Variants in RORA observed in about 807,000 individuals in gnomAD.
RORA encodes the protein RAR related orphan receptor A.
In RORA, 7 loss-of-function variants were observed where a neutral mutation model predicts 69.5. The observed-to-expected ratio is 0.10, with a 90% confidence interval of 0.06 to 0.19. The LOEUF (loss-of-function observed/expected upper bound fraction) is 0.19. Ranked by LOEUF, RORA falls within the 10% of genes least tolerant of loss-of-function variation. The pLI, the probability that RORA is intolerant of heterozygous loss-of-function variation, is 1.00. For missense variants in RORA, 457 were observed against 663.0 expected, an observed-to-expected ratio of 0.69 and a Z score of 3.41; for synonymous variants, 261 against 240.8, an observed-to-expected ratio of 1.08 and a Z score of -0.78.
intron 1 of RORA, among the ~76,000 whole-genome samples, chr15:61,054,924 C>T (rs2078072852): frequency 6.6e-6 from 1 of 151,574 alleles, no homozygotes; most frequent in African/African-American, 2.4e-5. Context: ...GTAGCTTCCA[C>T]CTCCTGAGCT....
chr15:60,623,329 C>T (rs1230621587), intron 2 of RORA, among the ~76,000 whole-genome samples: 2 of 152,176 alleles, frequency 1.3e-5, no homozygotes, highest in Non-Finnish European at 2.9e-5. Flanking sequence ...AGGGGGCAGT[C>T]AGCTTAGCAA....
chr15:60,621,351 G>C (rs901121410), intron 2 of RORA, among the ~76,000 whole-genome samples: 2 of 152,134 alleles, frequency 1.3e-5, no homozygotes. Flanking sequence ...TGGAAACCCA[G>C]AGAAGCTCAT....
At chr15:60,637,497 G>C (rs919511607) in intron 2 of RORA, among the ~76,000 whole-genome samples, 6 of 151,992 alleles carry the variant, frequency 3.9e-5, no homozygotes, top group African/African-American at 1.4e-4. Flanking sequence ...CTGTAAAGTA[G>C]AGAAAATCTG....
intron 2 of RORA, among the ~76,000 whole-genome samples, chr15:60,664,850 G>A (rs1434340500): frequency 2.6e-5 from 4 of 152,186 alleles, no homozygotes; most frequent in Admixed American, 6.5e-5. Context: ...AATTGATACT[G>A]CAGGGGATAA....
chr15:61,023,187 C>CAAAAA (rs35185635), intron 1 of RORA, among the ~76,000 whole-genome samples: 32 of 75,652 alleles, frequency 4.2e-4, no homozygotes, highest in South Asian at 1.3e-3. Context: ...GACTCTGCCT[C>CAAAAA]AAAAAAAAAA....
chr15:61,036,322 G>A (rs962120249), intron 1 of RORA, among the ~76,000 whole-genome samples: 19 of 152,122 alleles, frequency 1.2e-4, no homozygotes, highest in African/African-American at 3.9e-4. Flanking sequence ...GGAAGTAGAG[G>A]TTTGCCTTGT....
intron 2 of RORA, among the ~76,000 whole-genome samples, chr15:60,639,051 C>T (rs1314166291): frequency 6.6e-6 from 1 of 152,068 alleles, no homozygotes; most frequent in East Asian, 1.9e-4. Flanking sequence ...ACCGTGCCTC[C>T]TTCTCTAATT....
chr15:60,669,957 C>T (rs1309327391), intron 2 of RORA, among the ~76,000 whole-genome samples: 1 of 152,132 alleles, frequency 6.6e-6, no homozygotes, highest in East Asian at 1.9e-4. Flanking sequence ...ATGTTAGGCA[C>T]AGAGCAGGGG....
At chr15:61,079,049 A>G (rs1595958347) in intron 1 of RORA, among the ~76,000 whole-genome samples, 2 of 151,752 alleles carry the variant, frequency 1.3e-5, no homozygotes, top group Non-Finnish European at 1.5e-5. Context: ...CATGCCTCCC[A>G]CTCTGCCTTC....
chr15:61,085,404 C>A (rs1566981107), intron 1 of RORA, among the ~76,000 whole-genome samples: 1 of 152,216 alleles, frequency 6.6e-6, no homozygotes, highest in East Asian at 1.9e-4. Context: ...CAAAAATGGG[C>A]TGGACAGATC....
intron 2 of RORA, among the ~76,000 whole-genome samples, chr15:60,626,801 G>A (rs902412090): frequency 6.6e-5 from 10 of 152,174 alleles, no homozygotes; most frequent in African/African-American, 2.2e-4. Context: ...TTGCCTCTCA[G>A]TTCTGATAGT....
At chr15:60,763,184 C>A (rs977143959) in intron 1 of RORA, among the ~76,000 whole-genome samples, 2 of 145,464 alleles carry the variant, frequency 1.4e-5, no homozygotes, top group Non-Finnish European at 3.0e-5. Flanking sequence ...ACGTTCTCAG[C>A]GATGCTGCAA....
chr15:61,134,725 C>T (rs2079220655), intron 1 of RORA, among the ~76,000 whole-genome samples: 2 of 152,038 alleles, frequency 1.3e-5, no homozygotes, highest in African/African-American at 4.8e-5. Context: ...TTCTGGTTGT[C>T]CTTGGCGCAG....
At chr15:60,517,866 T>C (rs1454095488) in intron 3 of RORA, among the ~76,000 whole-genome samples, 1 of 152,212 alleles carries the variant, frequency 6.6e-6, no homozygotes, top group Non-Finnish European at 1.5e-5. Context: ...GAATGATCTC[T>C]TCTTTTTTTC....
At chr15:60,770,111 G>A (rs2072051413) in intron 1 of RORA, among the ~76,000 whole-genome samples, 1 of 152,146 alleles carries the variant, frequency 6.6e-6, no homozygotes, top group Non-Finnish European at 1.5e-5. Flanking sequence ...GGGAAGAAAA[G>A]TCATTTTAAA....
At chr15:61,179,512 T>A (rs1350969208) in intron 1 of RORA, among the ~76,000 whole-genome samples, 1 of 152,244 alleles carries the variant, frequency 6.6e-6, no homozygotes, top group Non-Finnish European at 1.5e-5. Flanking sequence ...ACATGTATTT[T>A]AAATTATTTT....
At chr15:60,977,731 C>G (rs1893918461) in intron 1 of RORA, among the ~76,000 whole-genome samples, 1 of 152,168 alleles carries the variant, frequency 6.6e-6, no homozygotes, top group Non-Finnish European at 1.5e-5. Flanking sequence ...TCATGTCTAG[C>G]TTCTTTCTCT....
intron 1 of RORA, among the ~76,000 whole-genome samples, chr15:60,688,940 A>G (rs1349529487): frequency 1.3e-5 from 2 of 152,198 alleles, no homozygotes; most frequent in African/African-American, 4.8e-5. Flanking sequence ...TACAGGTGCT[A>G]CCTCAGAGAC....
chr15:60,650,952 T>C (rs180761506), intron 2 of RORA, among the ~76,000 whole-genome samples: 4 of 152,280 alleles, frequency 2.6e-5, no homozygotes, highest in Non-Finnish European at 4.4e-5. Context: ...AATAAATACA[T>C]AGAAAAGCTA....
Sources: allele counts gnomAD v4.1 joint callset (sites outside exome capture counted in the v4.1 genomes callset), GRCh38; gene constraint gnomAD v4.1.1; transcripts MANE v1.5; gene names NCBI Gene and HGNC (gene_info 2026-07-23, HGNC 2026-07-21).